The following ASIC4 variants were observed in gnomAD, a reference collection of about 807,000 sequenced individuals.
The protein encoded by ASIC4 is acid sensing ion channel subunit family member 4, also known as acid-sensing ion channel 4.
In ASIC4, 28 loss-of-function variants were observed where a neutral mutation model predicts 53.4. The ratio of observed to expected loss-of-function variants is 0.52; its 90% confidence interval spans 0.39 to 0.72. The LOEUF is 0.72. ASIC4 is among the 30% of genes least tolerant of loss of function. The pLI, the probability that ASIC4 is intolerant of heterozygous loss-of-function variation, is 0.00. For synonymous variants in ASIC4, 289 were observed against 301.4 expected (o/e 0.96, Z 0.43); for missense variants, 649 against 729.7 (o/e 0.89, Z 1.27).
chr2:219,514,431 G>T (rs992352134), upstream of ASIC4: 1 of 1,549,480 alleles, frequency 6.5e-7, no homozygotes, highest in African/African-American at 1.4e-5. Context: ...GACACACGCA[G>T]GGGCTGACAG....
In ASIC4 at chr2:219,516,911, A is replaced by C. The variant is rs1694801199; in HGVS notation, c.582+1605A>C. On this transcript the variant is annotated intron_variant, in intron 1 of 9. Coordinates refer to ENST00000358078, the MANE Select transcript of ASIC4 (RefSeq NM_018674.6). This position sits in a 1 kb window ranked among gnomAD's most constrained non-coding sequence, Gnocchi z 4.9. ...TCCTAGGGAAAAGCACTGCTCCCCA[A>C]AGCAAGGGTTGGTAGAGTCCCCGAG... The C allele has an allele frequency of 6.6e-6, 1 of 152,398 alleles. No homozygotes were observed. Among genetic ancestry groups the C allele is most frequent in the Non-Finnish European group, 1.5e-5 (1 of 68,224 alleles). 9.4% of individuals were successfully genotyped at this position (152,398 alleles called of 1,614,324 possible).
chr2:219,518,049 C>G lies in ASIC4; in HGVS notation c.582+2743C>G, dbSNP rs912086530. The stretch of plus-strand genomic sequence containing the variant: ...CTGTTACCACTGCAATCGCTCTCCC[C>G]CCACGCTCCCTAATATCCCTTCATG... On this transcript the variant is annotated intron_variant, in intron 1 of 9. Transcript: ENST00000358078. This position sits in a 1 kb window ranked among gnomAD's most constrained non-coding sequence, Gnocchi z 4.8. 2.6e-5 allele frequency among the ~76,000 whole-genome samples: 4 copies of G among 152,116 alleles called. No individual in the cohort carries two copies. The highest frequency in any genetic ancestry group is 5.9e-5 in the Non-Finnish European group (4 of 68,022).
chr2:219,510,549 T>G (rs954314074), upstream of ASIC4, among the ~76,000 whole-genome samples: 27 of 152,144 alleles, frequency 1.8e-4, no homozygotes, highest in African/African-American at 6.3e-4. This position sits in a 1 kb window ranked among gnomAD's most constrained non-coding sequence, Gnocchi z 5.2. Flanking sequence ...CCAGCCAGGA[T>G]TTTTCATCTT....
chr2:219,508,034 TAC>T, the ASIC4 span, among the ~76,000 whole-genome samples: 26 of 152,200 alleles, frequency 1.7e-4, no homozygotes, highest in Admixed American at 8.5e-4. Context: ...GGGAACGATC[TAC>T]ACAGTGTGGG....
chr2:219,510,931 G>A (rs939496066), upstream of ASIC4, among the ~76,000 whole-genome samples: 9 of 151,010 alleles, frequency 6.0e-5, no homozygotes, highest in Non-Finnish European at 1.3e-4. The surrounding 1 kb of genome is among the most constrained non-coding windows in gnomAD (Gnocchi z 5.2). Context: ...TCCGCCCCCC[G>A]CCCCTCGGCC....
intron 1 of ASIC4, among the ~76,000 whole-genome samples, chr2:219,522,293 G>T (rs955500550): frequency 3.9e-5 from 6 of 152,190 alleles, no homozygotes; most frequent in Non-Finnish European, 5.9e-5. Context: ...GCTTGGCTCA[G>T]CGGTGACTAA....
chr2:219,516,084 C>T lies in ASIC4; in HGVS notation c.582+778C>T, dbSNP rs1033534229. Among the ~76,000 whole-genome samples, 10 of 152,158 alleles carry T rather than the reference C, an allele frequency of 6.6e-5. No individual in the cohort carries two copies. Among genetic ancestry groups the T allele is most frequent in the African/African-American group, 9.7e-5 (4 of 41,424 alleles). On this transcript the variant is annotated intron_variant, in intron 1 of 9. Coordinates refer to ENST00000358078, the MANE Select transcript of ASIC4 (RefSeq NM_018674.6). This position sits in a 1 kb window ranked among gnomAD's most constrained non-coding sequence, Gnocchi z 4.9. Reference sequence around the variant, plus strand: ...GCATGCACACATGCACACGCACACACGCACACGCACTGCTGGGGGACACAG... The same window carrying T: ...GCATGCACACATGCACACGCACACATGCACACGCACTGCTGGGGGACACAG...
At chr2:219,526,272 A>G (rs1694960350) in intron 1 of ASIC4, among the ~76,000 whole-genome samples, 1 of 152,044 alleles carries the variant, frequency 6.6e-6, no homozygotes, top group Non-Finnish European at 1.5e-5. Context: ...TCTCAGGCAG[A>G]CCCTGAGAGA....
At chr2:219,509,458 C>T (rs1033110721), upstream of ASIC4, among the ~76,000 whole-genome samples, 4 of 152,162 alleles carry the variant, frequency 2.6e-5, no homozygotes, top group Admixed American at 6.5e-5. This position sits in a 1 kb window ranked among gnomAD's most constrained non-coding sequence, Gnocchi z 5.2. Flanking sequence ...CCCTCGTGTG[C>T]AGAGACGGGA....
In ASIC4 at chr2:219,536,217, A is replaced by C. The variant is rs760209527; in HGVS notation, c.1230-849A>C. On this transcript the variant is annotated intron_variant, in intron 6 of 9. Transcript: ENST00000358078. The surrounding 1 kb of genome is among the most constrained non-coding windows in gnomAD (Gnocchi z 4.6). Reference sequence around the variant, plus strand: ...ATCTCTGTCATTACACATATGCCACATTTCAGAGTGCTTTGCTTATGCATC... The same window carrying C: ...ATCTCTGTCATTACACATATGCCACCTTTCAGAGTGCTTTGCTTATGCATC... Among the ~76,000 whole-genome samples, 8 of 152,166 alleles carry C rather than the reference A, an allele frequency of 5.3e-5. No individual in the cohort carries two copies. Among genetic ancestry groups the C allele is most frequent in the Non-Finnish European group, 1.2e-4 (8 of 68,034 alleles).
At chr2:219,522,589 G>T (rs1694904500) in intron 1 of ASIC4, among the ~76,000 whole-genome samples, 1 of 150,644 alleles carries the variant, frequency 6.6e-6, no homozygotes, top group Non-Finnish European at 1.5e-5. Context: ...CGCCTGGCTG[G>T]GGATCTGAGG....
chr2:219,520,729 G>A (rs1694871137), intron 1 of ASIC4, among the ~76,000 whole-genome samples: 1 of 152,220 alleles, frequency 6.6e-6, no homozygotes, highest in South Asian at 2.1e-4. Flanking sequence ...TGAGGCATGA[G>A]CCTTAAGCAC....
chr2:219,527,458 G>A (rs565549494), intron 1 of ASIC4, among the ~76,000 whole-genome samples: 8 of 152,318 alleles, frequency 5.3e-5, no homozygotes, highest in Non-Finnish European at 7.3e-5. Flanking sequence ...TGTAGGGTGG[G>A]CTCGGTTCCA....
chr2:219,518,164 A>C lies in ASIC4; in HGVS notation c.582+2858A>C, dbSNP rs892092715. Among the ~76,000 whole-genome samples the C allele has an allele frequency of 6.6e-6, 1 of 152,170 alleles. No individual in the cohort carries two copies. Among genetic ancestry groups the C allele is most frequent in the Non-Finnish European group, 1.5e-5 (1 of 68,028 alleles). ...CCTGCTCAGAGCTGTGGAGGACAGC[A>C]AAGATGGGAAGCCCTGTCCCCAGTC... On this transcript the variant is annotated intron_variant, in intron 1 of 9. Coordinates refer to ENST00000358078, the MANE Select transcript of ASIC4 (RefSeq NM_018674.6). The surrounding 1 kb of genome is among the most constrained non-coding windows in gnomAD (Gnocchi z 4.8).
chr2:219,514,992 C>T lies in ASIC4; in HGVS notation c.268C>T (p.Arg90Trp), dbSNP rs575903196. The change falls in exon 1 of 10, where the codon CGG becomes TGG. Residue 90 changes from arginine to tryptophan, a missense_variant. Coordinates refer to ENST00000358078, the MANE Select transcript of ASIC4 (RefSeq NM_018674.6). The part of the protein sequence containing the change: ...AFLYQAAGLA[R>W]GYLTRPHLVA... ...CCTGTACCAGGCGGCTGGCCTGGCC[C>T]GGGGCTACCTGACCCGGCCTCACCT... is the stretch of plus-strand genomic sequence containing the variant. 24 of 1,613,124 alleles carry T rather than the reference C, an allele frequency of 1.5e-5. No individual in the cohort carries two copies. Among genetic ancestry groups the T allele is most frequent in the African/African-American group, 2.7e-5 (2 of 75,010 alleles).
At chr2:219,527,154 G>C (rs2125663229) in intron 1 of ASIC4, among the ~76,000 whole-genome samples, 1 of 152,308 alleles carries the variant, frequency 6.6e-6, no homozygotes, top group African/African-American at 2.4e-5. Flanking sequence ...TGTGGGCTGT[G>C]CTGCCACCAG....
chr2:219,511,402 C>T (rs75321367), upstream of ASIC4, among the ~76,000 whole-genome samples: 2 of 150,890 alleles, frequency 1.3e-5, no homozygotes. The surrounding 1 kb of genome is among the most constrained non-coding windows in gnomAD (Gnocchi z 5.3). Context: ...GCCCCCCCCC[C>T]ACATTCTGCC....
Position 219,537,866 on chromosome 2 carries a change from C to CA in ASIC4, c.1507-67_1507-66insA, listed in dbSNP as rs1574497255. On this transcript the variant is annotated intron_variant, in intron 9 of 9. Coordinates refer to ENST00000358078, the MANE Select transcript of ASIC4 (RefSeq NM_018674.6). The surrounding 1 kb of genome is among the most constrained non-coding windows in gnomAD (Gnocchi z 4.9). ...GCCCGAGGTGACAAGGAAAGGCTGG[C>CA]GGTGTGAGCCCTGGGGGCACCACTT... The CA allele has an allele frequency of 1.1e-5, 16 of 1,484,540 alleles. No individual in the cohort carries two copies. Among genetic ancestry groups the CA allele is most frequent in the Non-Finnish European group, 1.5e-5 (16 of 1,085,108 alleles). The allele number at this position is 1,484,540 out of a possible 1,614,324, so 92.0% of individuals were successfully genotyped here. A position where few individuals can be genotyped will look rare whatever the true frequency, so the allele number is the denominator to read the frequency against.
chr2:219,535,790 T>G (rs1695128129), intron 6 of ASIC4, among the ~76,000 whole-genome samples: 1 of 149,874 alleles, frequency 6.7e-6, no homozygotes, highest in Non-Finnish European at 1.5e-5. Flanking sequence ...TTTTTTTTTT[T>G]GAGACAGAGT....
Sources: gnomAD v4.1 joint callset for allele counts (sites outside exome capture counted in the v4.1 genomes callset) on GRCh38, gnomAD v4.1.1 for gene constraint, Gnocchi (gnomAD v3.1) non-coding constraint, MANE v1.5 for transcripts, NCBI Gene and HGNC (gene_info 2026-07-23, HGNC 2026-07-21) for gene names.